SDK1: variants seen among roughly 807,000 people sequenced by gnomAD.
SDK1 encodes the protein protein sidekick-1.
Under a neutral mutation model 245.5 loss-of-function variants are expected in SDK1, and 157 were observed. The ratio of observed to expected loss-of-function variants is 0.64; its 90% CI spans 0.56 to 0.73. SDK1 has a LOEUF of 0.73. SDK1 is among the 30% of genes least tolerant of loss of function. SDK1 has a pLI of 0.00. For missense variants in SDK1, 3,583 were observed against 3,002.3 expected (o/e 1.19, Z -4.52); for synonymous variants, 1,647 against 1,278.5 (o/e 1.29, Z -6.15).
intron 32 of SDK1, among the ~76,000 whole-genome samples, chr7:4,163,196 G>A (rs1016137935): frequency 2.0e-5 from 3 of 152,178 alleles, no homozygotes; most frequent in Non-Finnish European, 4.4e-5. Flanking sequence ...GCATGGGGTG[G>A]GTACGGCATG....
At chr7:3,808,110 G>C (rs1779296075) in intron 4 of SDK1, among the ~76,000 whole-genome samples, 1 of 152,204 alleles carries the variant, frequency 6.6e-6, no homozygotes, top group Non-Finnish European at 1.5e-5. Flanking sequence ...CCTGGTTGCT[G>C]CAAGGGAATT....
intron 1 of SDK1, among the ~76,000 whole-genome samples, chr7:3,317,249 C>T (rs1268210848): frequency 2.1e-5 from 3 of 145,758 alleles, no homozygotes; most frequent in Admixed American, 6.9e-5. Flanking sequence ...CTAGCAATTT[C>T]GAATCCTATT....
chr7:3,490,149 G>C (rs1781825450), intron 1 of SDK1, among the ~76,000 whole-genome samples: 1 of 152,186 alleles, frequency 6.6e-6, no homozygotes, highest in Non-Finnish European at 1.5e-5. Flanking sequence ...TGGACTACTA[G>C]TATAGTGTAT....
intron 4 of SDK1, among the ~76,000 whole-genome samples, chr7:3,777,790 A>G (rs562496532): frequency 3.3e-5 from 5 of 152,354 alleles, no homozygotes; most frequent in Middle Eastern, 6.8e-3. Context: ...ACATGTATAT[A>G]TTACTTTGCA....
chr7:3,781,197 A>G (rs984904740), intron 4 of SDK1, among the ~76,000 whole-genome samples: 1 of 152,126 alleles, frequency 6.6e-6, no homozygotes, highest in Non-Finnish European at 1.5e-5. Flanking sequence ...AGCCCTGCCC[A>G]ACTGTAGATC....
chr7:3,822,622 AGC>A (rs1554266895), intron 5 of SDK1, among the ~76,000 whole-genome samples: 5 of 151,986 alleles, frequency 3.3e-5, no homozygotes, highest in Non-Finnish European at 2.9e-5. Flanking sequence ...ATGCAAAATT[AGC>A]AGGCATGGTG....
At chr7:3,811,348 G>A (rs1218830684) in intron 4 of SDK1, among the ~76,000 whole-genome samples, 1 of 152,114 alleles carries the variant, frequency 6.6e-6, no homozygotes, top group African/African-American at 2.4e-5. Context: ...AGAATATCAT[G>A]GTGTCATTGA....
At chr7:4,077,356 C>T (rs2128177569) in intron 21 of SDK1, among the ~76,000 whole-genome samples, 167 bp downstream of exon 21, 1 of 152,350 alleles carries the variant, frequency 6.6e-6, no homozygotes, top group African/African-American at 2.4e-5. Flanking sequence ...CCCACTTCAG[C>T]CCCATTCTCC....
intron 1 of SDK1, among the ~76,000 whole-genome samples, chr7:3,497,486 C>T (rs940704284): frequency 3.3e-5 from 5 of 152,030 alleles, no homozygotes; most frequent in Admixed American, 2.6e-4. Flanking sequence ...CATTGCTATT[C>T]GAGAGTGAGT....
chr7:4,180,270 C>T (rs1782518394), intron 35 of SDK1, among the ~76,000 whole-genome samples: 1 of 149,214 alleles, frequency 6.7e-6, no homozygotes, highest in Non-Finnish European at 1.5e-5. Context: ...AGCTCTATGC[C>T]CAGTACCCGG....
At chr7:4,257,566 C>T (rs1583189142) in intron 44 of SDK1, among the ~76,000 whole-genome samples, 1 of 152,164 alleles carries the variant, frequency 6.6e-6, no homozygotes, top group Non-Finnish European at 1.5e-5. Flanking sequence ...TGAGCAGGAG[C>T]CAGGAAACCC....
chr7:4,144,254 G>C (rs1779796039), intron 28 of SDK1, among the ~76,000 whole-genome samples: 1 of 152,182 alleles, frequency 6.6e-6, no homozygotes, highest in Admixed American at 6.5e-5. Flanking sequence ...AGAGACCTGA[G>C]GCCAGCAGGG....
Position 4,051,977 on chromosome 7 carries a change from C to A in SDK1, c.2911+147C>A, listed in dbSNP as rs1009596953. 1.5e-4 allele frequency: 101 copies of A among 660,016 alleles called. No individual in the cohort carries two copies. The African/African-American group carries it at 1.6e-3, about 10-fold the overall frequency. The allele number at this position is 660,016 out of a possible 1,614,324, so 40.9% of individuals were successfully genotyped here. On this transcript the variant is annotated intron_variant, in intron 19 of 44. Transcript: ENST00000404826. ...TTGCAGTCAGCTCACCTAGGGAGAT[C>A]AGGCATCAGTACTGATAATGCCTCG...
At chr7:3,831,117 A>G (rs576882084) in intron 5 of SDK1, among the ~76,000 whole-genome samples, 32 of 152,308 alleles carry the variant, frequency 2.1e-4, no homozygotes, top group Non-Finnish European at 4.1e-4. Context: ...TCCTGCAGTC[A>G]TTTTACAATC....
intron 4 of SDK1, among the ~76,000 whole-genome samples, chr7:3,783,307 A>G (rs1373307858): frequency 6.6e-6 from 1 of 152,162 alleles, no homozygotes; most frequent in African/African-American, 2.4e-5. Flanking sequence ...ATAGACAAAC[A>G]TGCCTATTCT....
intron 1 of SDK1, among the ~76,000 whole-genome samples, chr7:3,328,994 C>G (rs1257963060): frequency 6.6e-6 from 1 of 152,084 alleles, no homozygotes; most frequent in South Asian, 2.1e-4. Context: ...CTGGATTACC[C>G]AAACCAAAGG....
At chr7:3,544,910 C>T (rs1779168755) in intron 1 of SDK1, among the ~76,000 whole-genome samples, 1 of 152,142 alleles carries the variant, frequency 6.6e-6, no homozygotes, top group Admixed American at 6.5e-5. Flanking sequence ...TGATAGCTGT[C>T]AGAGGGAAGC....
At chr7:4,035,234 C>T (rs1788129881) in intron 17 of SDK1, among the ~76,000 whole-genome samples, 2 of 152,128 alleles carry the variant, frequency 1.3e-5, no homozygotes, top group Admixed American at 1.3e-4. Context: ...ATCCATCCAC[C>T]TTGGCCTCTC....
At chr7:3,401,744 A>G (rs1472186777) in intron 1 of SDK1, among the ~76,000 whole-genome samples, 1 of 151,886 alleles carries the variant, frequency 6.6e-6, no homozygotes, top group African/African-American at 2.4e-5. Flanking sequence ...TTTTGTATCT[A>G]CTAGTATTAG....
Sources: allele counts gnomAD v4.1 joint callset (sites outside exome capture counted in the v4.1 genomes callset), GRCh38; gene constraint gnomAD v4.1.1; transcripts MANE v1.5; gene names NCBI Gene and HGNC (gene_info 2026-07-23, HGNC 2026-07-21).